ZYG11B: variants seen among roughly 807,000 people sequenced by gnomAD.
ZYG11B encodes the protein protein zyg-11 homolog B.
ZYG11B carries 36 observed loss-of-function variants against 82.4 expected under a neutral mutation model. That is an observed-to-expected ratio of 0.44 (90% CI 0.33 to 0.58). The LOEUF (loss-of-function observed/expected upper bound fraction) is 0.58, where lower values mean the gene tolerates loss of function less well. Ranked by LOEUF, ZYG11B falls within the 20% of genes least tolerant of loss-of-function variation. The probability of loss-of-function intolerance (pLI) is 0.02; values close to 1 mark genes in which losing one functional copy is unlikely to be tolerated. For missense variants in ZYG11B, 552 were observed against 895.6 expected (o/e 0.62, Z 4.90); for synonymous variants, 303 against 312.8 (o/e 0.97, Z 0.33).
chr1:52,740,304 G>C (rs1644413069), intron 1 of ZYG11B, among the ~76,000 whole-genome samples: 1 of 152,142 alleles, frequency 6.6e-6, no homozygotes, highest in African/African-American at 2.4e-5. Flanking sequence ...TCCAGCTCTT[G>C]ATCTTTTTTA....
At chr1:52,804,537 T>G (rs1365943786) in intron 10 of ZYG11B, among the ~76,000 whole-genome samples, 1 of 151,498 alleles carries the variant, frequency 6.6e-6, no homozygotes, top group Non-Finnish European at 1.5e-5. Context: ...CGCTTGAACC[T>G]GGGAGGTGGA....
chr1:52,794,660 A>G (rs1236245246), intron 6 of ZYG11B, among the ~76,000 whole-genome samples: 2 of 152,190 alleles, frequency 1.3e-5, no homozygotes, highest in Admixed American at 6.5e-5. Flanking sequence ...GGCAGTGATC[A>G]ATGTGTCAAA....
At chr1:52,817,840 T>G (rs1455227548) in intron 13 of ZYG11B, among the ~76,000 whole-genome samples, 1 of 38,146 alleles carries the variant, frequency 2.6e-5, no homozygotes, top group Non-Finnish European at 4.9e-5. Flanking sequence ...TTTTTTTTTT[T>G]TTTTTTTTTT....
chr1:52,743,343 T>C (rs1644449418), intron 1 of ZYG11B, among the ~76,000 whole-genome samples: 1 of 139,048 alleles, frequency 7.2e-6, no homozygotes, highest in Non-Finnish European at 1.5e-5. Context: ...TCCACTATTG[T>C]CCTATGACCC....
rs1241764344 is a variant in ZYG11B, at chr1:52,826,966, C to A, written c.*5337C>A. ...GCAGGATCTTAAGAGCATTGTTTTT[C>A]CTTAAAAACTTTATACTCTCAGATA... On this transcript the variant is annotated 3_prime_UTR_variant, in exon 14 of 14. Transcript: ENST00000294353. The A allele has an allele frequency of 6.6e-6, 1 of 151,990 alleles. No individual in the cohort carries two copies. The highest frequency in any genetic ancestry group is 2.4e-5 in the African/African-American group (1 of 41,320). The allele number at this position is 151,990 out of a possible 1,614,324, so 9.4% of individuals were successfully genotyped here.
intron 5 of ZYG11B, among the ~76,000 whole-genome samples, chr1:52,789,582 G>A (rs1968754): frequency 0.11 from 16,312 of 151,994 alleles, 1,955 homozygotes; most frequent in East Asian, 0.35. Context: ...ACTCTTTAGA[G>A]GCCAGTGTGT....
chr1:52,769,150 C>T (rs1485372578), intron 2 of ZYG11B, among the ~76,000 whole-genome samples: 1 of 152,016 alleles, frequency 6.6e-6, no homozygotes, highest in African/African-American at 2.4e-5. Flanking sequence ...TTTGTATCTA[C>T]AACATTTAGA....
chr1:52,771,245 T>C lies in ZYG11B; in HGVS notation c.422T>C (p.Leu141Pro). 1.9e-6 allele frequency: 3 copies of C among 1,614,224 alleles called. No homozygotes were observed. Among genetic ancestry groups the C allele is most frequent in the Non-Finnish European group, 2.5e-6 (3 of 1,180,016 alleles). ...NKWIQQNLQC[L>P]VLNSLTLSLE... ...TGGATCCAGCAGAATCTCCAGTGCCTGGTGCTGAATTCATTAACTCTCTCC... is the reference window on the plus strand; with the variant it reads ...TGGATCCAGCAGAATCTCCAGTGCCCGGTGCTGAATTCATTAACTCTCTCC... The change falls in exon 3 of 14, where the codon CTG (leucine) becomes CCG (proline). Residue 141 changes from leucine to proline, a missense_variant. Coordinates refer to ENST00000294353, the MANE Select transcript of ZYG11B (RefSeq NM_024646.3). The surrounding 1 kb of genome is among the most constrained non-coding windows in gnomAD (Gnocchi z 5.4).
chr1:52,815,869 A>C (rs539427611), intron 12 of ZYG11B, among the ~76,000 whole-genome samples: 66 of 152,234 alleles, frequency 4.3e-4, no homozygotes, highest in Non-Finnish European at 8.7e-4. Flanking sequence ...CAGGAGGCGG[A>C]GGTTGCAGTG....
Position 52,796,928 on chromosome 1 carries a change from T to TGTATA in ZYG11B, c.1485+144_1485+145insGTATA, listed in dbSNP as rs1558137213. 19 of 106,606 alleles carry TGTATA rather than the reference T, an allele frequency of 1.8e-4. 1 individual carries two copies. The highest frequency in any genetic ancestry group is 7.4e-4 in the African/African-American group (19 of 25,650). 6.6% of individuals were successfully genotyped at this position (106,606 alleles called of 1,614,324 possible). On this transcript the variant is annotated intron_variant, in intron 8 of 13. Transcript: ENST00000294353. ...TATATATATTATATATTATATATAA[T>TGTATA]TATATATTATATATAATGTATAATT...
intron 13 of ZYG11B, among the ~76,000 whole-genome samples, chr1:52,816,972 AT>A (rs113648856): frequency 3.4e-5 from 5 of 149,016 alleles, no homozygotes; most frequent in Non-Finnish European, 4.5e-5. Context: ...TATTATTATT[AT>A]TTTTTTTTAG....
At chr1:52,731,544 C>T (rs1038925588) in intron 1 of ZYG11B, among the ~76,000 whole-genome samples, 6 of 151,792 alleles carry the variant, frequency 4.0e-5, no homozygotes, top group Non-Finnish European at 5.9e-5. Flanking sequence ...ATATAAAAAT[C>T]ATTGATAAAG....
rs549476434 is a variant in ZYG11B at position 52,752,411 on chromosome 1, T to C, written c.31-4047T>C. Among the ~76,000 whole-genome samples, 14 of 152,274 alleles carry C rather than the reference T, an allele frequency of 9.2e-5. 1 individual carries two copies. Among genetic ancestry groups the C allele is most frequent in the Admixed American group, 3.9e-4 (6 of 15,286 alleles). ...AATGTGTGCAGCAGCCTGGATACTT[T>C]CCAAACCCCATTTTTGGGTGATTTT... On this transcript the variant is annotated intron_variant, in intron 1 of 13. Coordinates refer to ENST00000294353, the MANE Select transcript of ZYG11B (RefSeq NM_024646.3).
At chr1:52,754,151 A>G (rs1251319552) in intron 1 of ZYG11B, among the ~76,000 whole-genome samples, 5 of 151,068 alleles carry the variant, frequency 3.3e-5, no homozygotes, top group Non-Finnish European at 5.9e-5. Context: ...TCAGCCTCCC[A>G]AGTAGCTGGG....
In ZYG11B at chr1:52,774,410, C is replaced by T. The variant is rs141873280; in HGVS notation, c.951+2636C>T. ...GCAACCTCCACCTCCCAGGTTTTGA[C>T]GAATTTCCTGCCTCAGCCTCCTGAG... On this transcript the variant is annotated intron_variant, in intron 3 of 13. Coordinates refer to ENST00000294353, the MANE Select transcript of ZYG11B (RefSeq NM_024646.3). 8.3e-3 allele frequency among the ~76,000 whole-genome samples: 1,246 copies of T among 150,602 alleles called. 18 individuals carry two copies. The Middle Eastern group carries it at 0.13, about 16-fold the overall frequency.
intron 8 of ZYG11B, among the ~76,000 whole-genome samples, chr1:52,798,580 C>T (rs555273106): frequency 1.3e-5 from 2 of 152,276 alleles, no homozygotes; most frequent in South Asian, 4.1e-4. Flanking sequence ...CACTGCACTC[C>T]AGCCTGGGTG....
At chr1:52,804,546 GAGGT>G (rs1645125253) in intron 10 of ZYG11B, among the ~76,000 whole-genome samples, 1 of 152,010 alleles carries the variant, frequency 6.6e-6, no homozygotes, top group African/African-American at 2.4e-5. Flanking sequence ...CTGGGAGGTG[GAGGT>G]TGCTGTGAGC....
At chr1:52,797,441 T>C (rs1330043228) in intron 8 of ZYG11B, among the ~76,000 whole-genome samples, 3 of 109,016 alleles carry the variant, frequency 2.8e-5, no homozygotes, top group East Asian at 2.5e-4. Flanking sequence ...ATATAACATA[T>C]ATATTATATA....
chr1:52,781,147 C>T (rs574936570), intron 4 of ZYG11B, among the ~76,000 whole-genome samples: 3 of 152,222 alleles, frequency 2.0e-5, no homozygotes, highest in African/African-American at 4.8e-5. Flanking sequence ...ACAACAACAA[C>T]AACAACAACC....
Sources: allele counts gnomAD v4.1 joint callset (sites outside exome capture counted in the v4.1 genomes callset), GRCh38; gene constraint gnomAD v4.1.1; non-coding constraint Gnocchi (gnomAD v3.1); transcripts MANE v1.5; gene names NCBI Gene and HGNC (gene_info 2026-07-23, HGNC 2026-07-21).